Variants in BTRC observed in about 807,000 individuals in gnomAD.
The protein encoded by BTRC is F-box/WD repeat-containing protein 1A.
Under a neutral mutation model 85.5 loss-of-function variants are expected in BTRC, and 42 were observed. The observed-to-expected ratio is 0.49, with a 90% CI of 0.38 to 0.64. The LOEUF is 0.64. Among genes scored for constraint, BTRC ranks in the 30% least tolerant of loss-of-function variants. The pLI is 0.00. For missense variants in BTRC, 594 were observed against 743.5 expected, an observed-to-expected ratio of 0.80 and a Z score of 2.34; for synonymous variants, 255 against 263.3, an observed-to-expected ratio of 0.97 and a Z score of 0.30.
intron 1 of BTRC, among the ~76,000 whole-genome samples, chr10:101,367,026 A>T (rs1356455713): frequency 8.4e-5 from 5 of 59,868 alleles, no homozygotes; most frequent in African/African-American, 1.0e-4. Flanking sequence ...ATTTATATTT[A>T]TATATTTATA....
At chr10:101,434,873 G>A (rs904304751) in intron 2 of BTRC, among the ~76,000 whole-genome samples, 1 of 151,714 alleles carries the variant, frequency 6.6e-6, no homozygotes, top group African/African-American at 2.4e-5. Flanking sequence ...GTCTTCAGGT[G>A]ATCTGCCCAC....
chr10:101,513,010 C>G (rs1276530765), intron 4 of BTRC, among the ~76,000 whole-genome samples: 1 of 152,202 alleles, frequency 6.6e-6, no homozygotes, highest in Non-Finnish European at 1.5e-5. Context: ...AACCAGTAAC[C>G]ATTATATCTC....
intron 4 of BTRC, among the ~76,000 whole-genome samples, chr10:101,489,185 T>C (rs1405167581): frequency 6.6e-6 from 1 of 152,148 alleles, no homozygotes; most frequent in African/African-American, 2.4e-5. Context: ...TTTAGACTTG[T>C]ATGTACCAAT....
intron 5 of BTRC, among the ~76,000 whole-genome samples, chr10:101,525,528 GAC>G: frequency 6.6e-6 from 1 of 151,938 alleles, no homozygotes; most frequent in South Asian, 2.1e-4. Context: ...AGCACATTCT[GAC>G]TTAGTGCCTC....
chr10:101,462,923 A>G (rs1945267647), intron 3 of BTRC, among the ~76,000 whole-genome samples: 1 of 151,820 alleles, frequency 6.6e-6, no homozygotes, highest in Non-Finnish European at 1.5e-5. Flanking sequence ...GCTGGAGTGC[A>G]GTGGCGTGAT....
At chr10:101,478,781 CAAAA>C (rs71472573) in intron 3 of BTRC, among the ~76,000 whole-genome samples, 2 of 119,870 alleles carry the variant, frequency 1.7e-5, no homozygotes, top group Non-Finnish European at 1.7e-5. Flanking sequence ...GACCCTATCT[CAAAA>C]AAAAAAAAAA....
At chr10:101,527,844 A>C (rs1373570875) in intron 6 of BTRC, among the ~76,000 whole-genome samples, 3 of 152,082 alleles carry the variant, frequency 2.0e-5, no homozygotes, top group African/African-American at 7.2e-5. Context: ...ACTACTTCTC[A>C]AATATGTTTT....
Position 101,385,903 on chromosome 10 carries a change from A to G in BTRC, c.48+31675A>G, listed in dbSNP as rs140039858. 3.5e-3 allele frequency among the ~76,000 whole-genome samples: 538 copies of G among 152,082 alleles called. 1 individual carries two copies. Among genetic ancestry groups the G allele is most frequent in the Middle Eastern group, 0.014 (4 of 294 alleles). On this transcript the variant is annotated intron_variant, in intron 1 of 14. Coordinates refer to ENST00000370187, the MANE Select transcript of BTRC (RefSeq NM_033637.4). ...TGATAATTATTATTTTAATATAACT[A>G]AGTTGTGACCTGTTTTAATAAGGGT...
chr10:101,479,195 G>A (rs1210170570), intron 3 of BTRC, among the ~76,000 whole-genome samples, 173 bp from the exon 4 acceptor site: 1 of 135,132 alleles, frequency 7.4e-6, no homozygotes, highest in Non-Finnish European at 1.7e-5. Context: ...GGCTTTTGTA[G>A]CCTCTATCTT....
chr10:101,374,754 C>T (rs1416204158), intron 1 of BTRC, among the ~76,000 whole-genome samples: 1 of 148,148 alleles, frequency 6.8e-6, no homozygotes, highest in Non-Finnish European at 1.5e-5. Context: ...GCACAATGTG[C>T]ACATGTACCC....
chr10:101,355,683 G>A (rs996047282), intron 1 of BTRC, among the ~76,000 whole-genome samples: 17 of 152,114 alleles, frequency 1.1e-4, no homozygotes, highest in African/African-American at 2.9e-4. Flanking sequence ...CTAAAATACC[G>A]TAACAAATCC....
chr10:101,359,604 ATT>A (rs57925473), intron 1 of BTRC, among the ~76,000 whole-genome samples: 4 of 137,908 alleles, frequency 2.9e-5, no homozygotes. Flanking sequence ...ATTTTGTTGT[ATT>A]TTTTTTTTTT....
At chr10:101,386,888 A>G (rs1050597612) in intron 1 of BTRC, among the ~76,000 whole-genome samples, 2 of 152,178 alleles carry the variant, frequency 1.3e-5, no homozygotes, top group African/African-American at 2.4e-5. Flanking sequence ...ATTTTCTACT[A>G]GAGACTTTTT....
At chr10:101,362,034 C>T (rs965662670) in intron 1 of BTRC, among the ~76,000 whole-genome samples, 5 of 152,134 alleles carry the variant, frequency 3.3e-5, no homozygotes, top group African/African-American at 1.2e-4. Context: ...GATCTCAGCT[C>T]ACTGCAACCC....
At chr10:101,433,617 T>C (rs1944455200) in intron 2 of BTRC, among the ~76,000 whole-genome samples, 2 of 151,964 alleles carry the variant, frequency 1.3e-5, no homozygotes, top group South Asian at 4.2e-4. Context: ...AAGGGGAGAA[T>C]AGAGTGAGAA....
At chr10:101,400,251 G>A (rs1371726063) in intron 1 of BTRC, among the ~76,000 whole-genome samples, 3 of 152,200 alleles carry the variant, frequency 2.0e-5, no homozygotes, top group African/African-American at 7.2e-5. Flanking sequence ...GATCTGTGAT[G>A]TGCGGGAAAT....
chr10:101,467,697 A>G (rs1304183559), intron 3 of BTRC, among the ~76,000 whole-genome samples: 1 of 149,246 alleles, frequency 6.7e-6, no homozygotes, highest in Non-Finnish European at 1.5e-5. Flanking sequence ...GGCTTTGGGT[A>G]AAAAAAAAAT....
intron 14 of BTRC, chr10:101,551,260 TAG>T (rs1332487809): frequency 6.1e-6 from 1 of 162,714 alleles, no homozygotes; most frequent in Non-Finnish European, 1.3e-5. Flanking sequence ...ATACCTACAA[TAG>T]AGACCTTTCA....
At chr10:101,545,938 G>T (rs2062551598) in intron 13 of BTRC, among the ~76,000 whole-genome samples, 1 of 152,126 alleles carries the variant, frequency 6.6e-6, no homozygotes, top group South Asian at 2.1e-4. Flanking sequence ...TCCTTAATGT[G>T]TACACACCTA....
Sources: allele counts gnomAD v4.1 joint callset (sites outside exome capture counted in the v4.1 genomes callset), GRCh38; gene constraint gnomAD v4.1.1; transcripts MANE v1.5; gene names NCBI Gene and HGNC (gene_info 2026-07-23, HGNC 2026-07-21).